Variants in ZNF407 observed in about 807,000 individuals in gnomAD.
ZNF407 encodes zinc finger protein 407.
Under a neutral mutation model 131.2 loss-of-function variants are expected in ZNF407, and 17 were observed. The observed-to-expected ratio is 0.13, with a 90% CI of 0.09 to 0.19. The LOEUF is 0.19. ZNF407 is among the 10% of genes least tolerant of loss of function. ZNF407 has a pLI of 1.00. For missense variants in ZNF407, 2,681 were observed against 2,830.6 expected (o/e 0.95, Z 1.20); for synonymous variants, 1,156 against 1,062.0 (o/e 1.09, Z -1.72).
chr18:75,064,121 G>A lies in ZNF407; in HGVS notation c.6400G>A (p.Asp2134Asn). 6.3e-7 allele frequency: 1 copy of A among 1,598,854 alleles called. No homozygotes were observed. Among genetic ancestry groups the A allele is most frequent in the Non-Finnish European group, 8.5e-7 (1 of 1,173,082 alleles). ...IMQEAQGEHM[D>N]LVESDGEISQ... ...GCAGGAGGCGCAGGGCGAGCACATGGATCTGGTGGAGTCCGACGGGGAGAT... is the reference window on the plus strand; with the variant it reads ...GCAGGAGGCGCAGGGCGAGCACATGAATCTGGTGGAGTCCGACGGGGAGAT... The change falls in exon 9 of 9, where the codon GAT becomes AAT. Residue 2134 changes from aspartate (D) to asparagine (N), a missense_variant. Physicochemically the swap from Asp to Asn is conservative, Grantham distance 23. This residue lies in a region of ZNF407 where 620 missense variants were observed against 583.1 expected (regional missense o/e 1.06). Transcript: ENST00000299687.
At position 75,064,368 on chromosome 18, in the gene ZNF407, C is replaced by G; in HGVS notation, c.6647C>G (p.Ala2216Gly). The G allele has an allele frequency of 1.3e-6, 2 of 1,580,010 alleles. No individual in the cohort carries two copies. Among genetic ancestry groups the G allele is most frequent in the Non-Finnish European group, 1.7e-6 (2 of 1,163,598 alleles). Residue 2216 changes from alanine (A) to glycine (G), a missense_variant, in exon 9 of 9, where the codon GCA becomes GGA. Ala to Gly is a moderately conservative substitution (Grantham distance 60, BLOSUM62 0). Around this residue, in one of 6 missense-constraint regions of ZNF407, gnomAD observed 620 missense variants for 583.1 expected, o/e 1.06. Transcript: ENST00000299687. ...ACAGAGGCCGGGGCCCCAAGCAGGG[C>G]AGAGCAGCTGGCCAGCGTGGTCATC... Reference protein sequence around the residue: ...LGTEAGAPSRAEQLASVVIYT... With the variant: ...LGTEAGAPSRGEQLASVVIYT...
intron 5 of ZNF407, among the ~76,000 whole-genome samples, chr18:74,878,061 T>C (rs1250033258): frequency 6.6e-6 from 1 of 152,144 alleles, no homozygotes; most frequent in Non-Finnish European, 1.5e-5. Context: ...TTGGTAGGGG[T>C]GGTGCCAGAA....
At chr18:74,995,304 G>A (rs1026587787) in intron 8 of ZNF407, among the ~76,000 whole-genome samples, 2 of 152,046 alleles carry the variant, frequency 1.3e-5, no homozygotes, top group Non-Finnish European at 2.9e-5. Flanking sequence ...CAGCATTCTG[G>A]ATGCTGTGTG....
At chr18:74,692,440 T>C (rs8097275) in intron 3 of ZNF407, among the ~76,000 whole-genome samples, 24,033 of 151,976 alleles carry the variant, frequency 0.16, 2,006 homozygotes, top group African/African-American at 0.21. Context: ...ATGCTCGTGA[T>C]CTTGCTTTTG....
intron 3 of ZNF407, among the ~76,000 whole-genome samples, chr18:74,769,085 G>T (rs773405893): frequency 6.6e-6 from 1 of 151,990 alleles, no homozygotes; most frequent in African/African-American, 2.4e-5. Context: ...GTAAGTCTTC[G>T]CCTTACCTCA....
chr18:74,845,820 T>C (rs955774421), intron 4 of ZNF407, among the ~76,000 whole-genome samples: 4 of 152,178 alleles, frequency 2.6e-5, no homozygotes, highest in Admixed American at 6.5e-5. Context: ...AGTAAATCCA[T>C]TCATAATTGA....
chr18:75,047,747 A>G (rs1340309310), intron 8 of ZNF407, among the ~76,000 whole-genome samples: 1 of 152,228 alleles, frequency 6.6e-6, no homozygotes, highest in Admixed American at 6.5e-5. Flanking sequence ...ACATATATAA[A>G]AGCTGAGATG....
At chr18:74,818,231 G>C (rs1296778997) in intron 4 of ZNF407, among the ~76,000 whole-genome samples, 1 of 152,220 alleles carries the variant, frequency 6.6e-6, no homozygotes, top group Non-Finnish European at 1.5e-5. Flanking sequence ...AGCAGTGCCA[G>C]CAGCAAACGC....
At chr18:74,915,524 A>G in intron 7 of ZNF407, among the ~76,000 whole-genome samples, 1 of 102,698 alleles carries the variant, frequency 9.7e-6, no homozygotes, top group African/African-American at 4.0e-5. Flanking sequence ...TGGTATGGTG[A>G]GGTTGTGTGC....
At chr18:74,883,594 A>G (rs1568254148) in intron 6 of ZNF407, among the ~76,000 whole-genome samples, 1 of 152,194 alleles carries the variant, frequency 6.6e-6, no homozygotes, top group Admixed American at 6.5e-5. Context: ...CCCTTGATTC[A>G]AGGGCACAGG....
At chr18:74,877,727 C>G (rs1971179272) in intron 5 of ZNF407, among the ~76,000 whole-genome samples, 1 of 152,086 alleles carries the variant, frequency 6.6e-6, no homozygotes, top group Admixed American at 6.5e-5. Context: ...GAGAGCTAGT[C>G]TTGTGTTTTG....
rs532364673 is a variant in ZNF407 at position 74,964,086 on chromosome 18, C to T, written c.5428+43394C>T. On this transcript the variant is annotated intron_variant, in intron 8 of 8. Transcript: ENST00000299687. The stretch of plus-strand genomic sequence containing the variant: ...AAACCTCTATTGACCGCGCCTATCA[C>T]GTGAAGCCTACTTGGACAGGCGTTA... Among the ~76,000 whole-genome samples, 9 of 152,284 alleles carry T rather than the reference C, an allele frequency of 5.9e-5. 1 individual carries two copies. Among genetic ancestry groups the T allele is most frequent in the Middle Eastern group, 6.8e-3 (2 of 294 alleles).
chr18:74,834,562 G>A (rs964061108), intron 4 of ZNF407, among the ~76,000 whole-genome samples: 6 of 152,154 alleles, frequency 3.9e-5, no homozygotes, highest in African/African-American at 1.4e-4. Flanking sequence ...CCTTCAGAAG[G>A]TCTTTCTTTG....
chr18:74,766,125 T>C (rs954987094), intron 3 of ZNF407, among the ~76,000 whole-genome samples: 3 of 152,038 alleles, frequency 2.0e-5, no homozygotes, highest in Non-Finnish European at 4.4e-5. Context: ...AGAAATTTGG[T>C]CTCATGCAAC....
intron 8 of ZNF407, among the ~76,000 whole-genome samples, chr18:74,939,441 CAT>C (rs914976221): frequency 1.3e-5 from 2 of 152,110 alleles, no homozygotes; most frequent in African/African-American, 4.8e-5. Context: ...AAATTTATAA[CAT>C]GTAAGACAGA....
At chr18:74,868,323 C>T (rs1971041310) in intron 4 of ZNF407, among the ~76,000 whole-genome samples, 1 of 152,164 alleles carries the variant, frequency 6.6e-6, no homozygotes, top group Non-Finnish European at 1.5e-5. Context: ...TAGACATACA[C>T]ATATTTGTGG....
chr18:74,981,604 G>T (rs1295995689), intron 8 of ZNF407, among the ~76,000 whole-genome samples: 1 of 152,140 alleles, frequency 6.6e-6, no homozygotes, highest in East Asian at 1.9e-4. Context: ...AGACTATGAG[G>T]CTAGAGGGGT....
intron 7 of ZNF407, among the ~76,000 whole-genome samples, chr18:74,895,837 C>T (rs183163891): frequency 1.1e-4 from 16 of 152,204 alleles, no homozygotes; most frequent in Admixed American, 5.9e-4. Flanking sequence ...TGAGTTAGGG[C>T]GACTCACTCC....
chr18:74,699,486 GGAT>G (rs1410725479), intron 3 of ZNF407, among the ~76,000 whole-genome samples: 8 of 152,164 alleles, frequency 5.3e-5, no homozygotes, highest in Non-Finnish European at 1.2e-4. Flanking sequence ...TGTGTCTAAG[GGAT>G]TTTAGACAGT....
Sources: gnomAD v4.1 joint callset for allele counts (sites outside exome capture counted in the v4.1 genomes callset) on GRCh38, gnomAD v4.1.1 for gene constraint, gnomAD v4.1.1 regional missense constraint, MANE v1.5 for transcripts, NCBI Gene and HGNC (gene_info 2026-07-23, HGNC 2026-07-21) for gene names.